The following MYO18B variants were observed in gnomAD, a reference collection of about 807,000 sequenced individuals.
MYO18B encodes the protein unconventional myosin-XVIIIb.
MYO18B carries 204 observed loss-of-function variants against 273.0 expected under a neutral mutation model. The observed-to-expected ratio is 0.75, with a 90% CI of 0.67 to 0.84. MYO18B has a LOEUF of 0.84. MYO18B is among the 40% of genes least tolerant of loss of function. The pLI, the probability that MYO18B is intolerant of heterozygous loss-of-function variation, is 0.00. For missense variants in MYO18B, 3,212 were observed against 3,287.6 expected, an observed-to-expected ratio of 0.98 and a Z score of 0.56; for synonymous variants, 1,330 against 1,305.7, an observed-to-expected ratio of 1.02 and a Z score of -0.40.
the MYO18B span, among the ~76,000 whole-genome samples, chr22:26,063,292 A>T: frequency 1.3e-5 from 2 of 152,218 alleles, no homozygotes; most frequent in Non-Finnish European, 2.9e-5. Flanking sequence ...GGTGTAAACA[A>T]GTGGCAGAAA....
chr22:25,843,802 C>T lies in MYO18B; in HGVS notation c.3276C>T (p.Asp1092=). The T allele has an allele frequency of 6.2e-7, 1 of 1,613,942 alleles. No homozygotes were observed. The highest frequency in any genetic ancestry group is 8.5e-7 in the Non-Finnish European group (1 of 1,179,828). ...QCEIFHQLGW[D]PVRYDLTGWL... is the part of the protein sequence containing the mutation. The stretch of plus-strand genomic sequence containing the variant: ...AGATTTTCCACCAGTTGGGATGGGA[C>T]CCTGTGCGGTACGACCTCACGGGCT... The change falls in exon 18 of 44, where the codon GAC becomes GAT. Residue 1092 remains aspartate (D), a synonymous_variant. Transcript: ENST00000335473.
chr22:25,947,712 G>A lies in MYO18B; in HGVS notation c.5632G>A (p.Val1878Met), dbSNP rs1173807757. The A allele has an allele frequency of 1.2e-6, 2 of 1,612,788 alleles. No homozygotes were observed. The highest frequency in any genetic ancestry group is 1.7e-6 in the Non-Finnish European group (2 of 1,179,528). Residue 1878 changes from valine to methionine, a missense_variant and splice_region_variant, in exon 36 of 44, where the codon GTG becomes ATG. Coordinates refer to ENST00000335473, the MANE Select transcript of MYO18B (RefSeq NM_032608.7). ...LENMTRNKSL[V>M]DEQLYRLQFE... ...TTGACCACTGATCTGCCTCCCCCAG[G>A]TGGATGAGCAGCTGTACAGGCTGCA...
At chr22:25,967,174 A>C (rs2092988765) in intron 39 of MYO18B, among the ~76,000 whole-genome samples, 1 of 152,232 alleles carries the variant, frequency 6.6e-6, no homozygotes, top group Non-Finnish European at 1.5e-5. Context: ...GACTTGCTGG[A>C]AATTAGAGTA....
intron 25 of MYO18B, among the ~76,000 whole-genome samples, chr22:25,886,798 C>G (rs112590956): frequency 0.019 from 2,873 of 152,254 alleles, 84 homozygotes; most frequent in African/African-American, 0.066. Context: ...GGGAATCAGG[C>G]AGCCCAAGCT....
At chr22:26,055,363 G>A in the MYO18B span, among the ~76,000 whole-genome samples, 4 of 152,174 alleles carry the variant, frequency 2.6e-5, no homozygotes, top group African/African-American at 7.2e-5. Flanking sequence ...AAAGAGCCAT[G>A]TTCTGGTCTT....
At chr22:25,978,389 C>T (rs1220504961) in intron 39 of MYO18B, among the ~76,000 whole-genome samples, 1 of 152,184 alleles carries the variant, frequency 6.6e-6, no homozygotes, top group African/African-American at 2.4e-5. Context: ...CATCAAAGAA[C>T]ATGGCATGTT....
the MYO18B span, among the ~76,000 whole-genome samples, chr22:26,047,953 A>C: frequency 1.3e-4 from 20 of 151,988 alleles, 1 homozygote; most frequent in East Asian, 3.5e-3. Flanking sequence ...TCTACCTCTG[A>C]TCCTTCTCTT....
chr22:25,825,116 A>G (rs1224226209), intron 13 of MYO18B, among the ~76,000 whole-genome samples: 1 of 152,180 alleles, frequency 6.6e-6, no homozygotes, highest in African/African-American at 2.4e-5. Flanking sequence ...CACCACACAC[A>G]TACTTAAGGA....
Position 25,843,709 on chromosome 22 carries a change from AC to A in MYO18B, c.3209-25del, listed in dbSNP as rs779539741. 3 of 1,604,500 alleles carry A rather than the reference AC, an allele frequency of 1.9e-6. No individual in the cohort carries two copies. The Admixed American group carries it at 5.0e-5, about 27-fold the overall frequency. ...CAGAGTGTCCTCAACAGGCTCCAGCACTCATGCCACCATGTCTGTTTCCAGG... is the reference window on the plus strand; with the variant it reads ...CAGAGTGTCCTCAACAGGCTCCAGCATCATGCCACCATGTCTGTTTCCAGG... On this transcript the variant is annotated intron_variant, in intron 17 of 43. Coordinates refer to ENST00000335473, the MANE Select transcript of MYO18B (RefSeq NM_032608.7).
chr22:25,868,494 T>C (rs2090955135), intron 22 of MYO18B, 109 bp downstream of exon 22: 1 of 912,528 alleles, frequency 1.1e-6, no homozygotes, highest in Non-Finnish European at 1.7e-6. Flanking sequence ...GTCTCCTTTT[T>C]CCCAAACTGA....
chr22:25,794,575 T>G (rs5761196), intron 11 of MYO18B, among the ~76,000 whole-genome samples: 112,069 of 151,590 alleles, frequency 0.74, 41,532 homozygotes, highest in East Asian at 0.86. Context: ...TGCAATCTTG[T>G]CTCACTGCAA....
At chr22:25,950,741 T>C (rs957796585) in intron 37 of MYO18B, among the ~76,000 whole-genome samples, 1 of 152,038 alleles carries the variant, frequency 6.6e-6, no homozygotes, top group Admixed American at 6.6e-5. Flanking sequence ...CTGGCTAATT[T>C]TTGTTTTTTA....
intron 32 of MYO18B, among the ~76,000 whole-genome samples, chr22:25,908,634 A>G (rs2092096289): frequency 6.6e-6 from 1 of 152,216 alleles, no homozygotes; most frequent in Admixed American, 6.5e-5. Context: ...TGGAACTTCC[A>G]GAAGCCTCTG....
At chr22:25,906,278 G>GA (rs1452918433) in intron 31 of MYO18B, among the ~76,000 whole-genome samples, 1 of 144,120 alleles carries the variant, frequency 6.9e-6, no homozygotes, top group African/African-American at 2.5e-5. Context: ...CAAGAGGCTA[G>GA]AAAAAATGAA....
At chr22:26,032,668 T>G (rs1291854670), downstream of MYO18B, among the ~76,000 whole-genome samples, 1 of 152,010 alleles carries the variant, frequency 6.6e-6, no homozygotes, top group Non-Finnish European at 1.5e-5. Context: ...ATTACAGACA[T>G]GCACCACCAG....
intron 12 of MYO18B, among the ~76,000 whole-genome samples, chr22:25,820,491 A>G (rs151152046): frequency 1.3e-5 from 2 of 152,334 alleles, no homozygotes; most frequent in East Asian, 3.9e-4. Flanking sequence ...ATTTCAAAGA[A>G]GGAAACACAT....
intron 1 of MYO18B, among the ~76,000 whole-genome samples, chr22:25,758,153 A>G (rs796075265): frequency 4.5e-4 from 69 of 152,208 alleles, no homozygotes; most frequent in African/African-American, 1.6e-3. Flanking sequence ...AGCTGGGATT[A>G]CAGGTGCCTG....
intron 21 of MYO18B, among the ~76,000 whole-genome samples, chr22:25,854,846 T>G (rs963822281): frequency 2.6e-5 from 4 of 152,242 alleles, no homozygotes; most frequent in Admixed American, 2.6e-4. Flanking sequence ...TGTCAGAATT[T>G]CCTTCCTGAG....
intron 12 of MYO18B, among the ~76,000 whole-genome samples, chr22:25,805,167 A>G (rs972907708): frequency 4.6e-5 from 7 of 152,088 alleles, no homozygotes; most frequent in Non-Finnish European, 1.0e-4. Context: ...TGCCAGCCCC[A>G]CGTTGTGATT....
Sources: allele counts gnomAD v4.1 joint callset (sites outside exome capture counted in the v4.1 genomes callset), GRCh38; gene constraint gnomAD v4.1.1; transcripts MANE v1.5; gene names NCBI Gene and HGNC (gene_info 2026-07-23, HGNC 2026-07-21).